SASH1: variants seen among roughly 807,000 people sequenced by gnomAD.
SASH1 encodes SAM and SH3 domain-containing protein 1.
Under a neutral mutation model 125.2 loss-of-function variants are expected in SASH1, and 44 were observed. The ratio of observed to expected loss-of-function variants is 0.35; its 90% CI spans 0.28 to 0.45. SASH1 has a LOEUF of 0.45. SASH1 is among the 20% of genes least tolerant of loss of function. The pLI is 1.00. For synonymous variants in SASH1, 639 were observed against 649.1 expected (o/e 0.98, Z 0.24); for missense variants, 1,426 against 1,614.5 (o/e 0.88, Z 2.00).
intron 1 of SASH1, among the ~76,000 whole-genome samples, chr6:148,353,435 A>ATTTTTTTT (rs377513066): frequency 5.5e-5 from 6 of 108,796 alleles, no homozygotes; most frequent in Non-Finnish European, 7.0e-5. Context: ...TTTAAGATTG[A>ATTTTTTTT]TTTTTTTTTT....
Position 148,343,050 on chromosome 6 carries a change from C to G in SASH1, c.-18C>G, listed in dbSNP as rs1430500912. The stretch of plus-strand genomic sequence containing the variant: ...GCCGCGGGGACTGGGACGCACGGCC[C>G]GCGCGCGGGACACGGCCATGGAGGA... On this transcript the variant is annotated 5_prime_UTR_variant, in exon 1 of 20. Transcript: ENST00000367467. 1.6e-6 allele frequency: 2 copies of G among 1,272,356 alleles called. No homozygotes were observed. 78.8% of individuals were successfully genotyped at this position (1,272,356 alleles called of 1,614,324 possible).
rs1583066385 is a variant in SASH1 at position 148,387,676 on chromosome 6, CTTTCTTTCTT to C, written c.157-2456_157-2447del. ...TCTTTCTTTCTTTCTTTCTTTCTTT[CTTTCTTTCTT>C]TCTTTCGGCATCCTTAGTAAATTAT... On this transcript the variant is annotated intron_variant, in intron 1 of 19. Transcript: ENST00000367467. Among the ~76,000 whole-genome samples, 8 of 91,974 alleles carry C rather than the reference CTTTCTTTCTT, an allele frequency of 8.7e-5. No homozygotes were observed. In the East Asian group the frequency reaches 2.1e-3, roughly 25 times the overall value. 60.3% of individuals were successfully genotyped at this position (91,974 alleles called of 152,430 possible). A position where few individuals can be genotyped will look rare whatever the true frequency, so the allele number is the denominator to read the frequency against.
At chr6:148,401,944 G>A (rs1019569575) in intron 2 of SASH1, among the ~76,000 whole-genome samples, 4 of 152,058 alleles carry the variant, frequency 2.6e-5, no homozygotes, top group African/African-American at 9.7e-5. Context: ...TCTTTTCTCC[G>A]AGATATTCCT....
intron 2 of SASH1, among the ~76,000 whole-genome samples, chr6:148,393,260 A>G (rs1021406612): frequency 1.4e-5 from 2 of 143,322 alleles, no homozygotes; most frequent in Non-Finnish European, 3.0e-5. Context: ...GGGTTTCTCC[A>G]TGTTGGTCAG....
chr6:148,520,185 G>A (rs1289673114), intron 10 of SASH1: 3 of 362,894 alleles, frequency 8.3e-6, no homozygotes, highest in South Asian at 3.4e-5. Context: ...TATCACCTAC[G>A]TGGTGGAGCG....
chr6:148,359,873 C>T (rs1177584363), intron 1 of SASH1, among the ~76,000 whole-genome samples: 1 of 152,198 alleles, frequency 6.6e-6, no homozygotes, highest in Non-Finnish European at 1.5e-5. Context: ...AATCTCCTGC[C>T]TCAGCCTCCT....
chr6:148,298,606 A>G (rs531058247), intron 1 of SASH1, among the ~76,000 whole-genome samples: 1 of 144,818 alleles, frequency 6.9e-6, no homozygotes, highest in Non-Finnish European at 1.5e-5. Flanking sequence ...ATGCCACTGC[A>G]TTCCAGCCTG....
chr6:148,212,821 GA>G, the SASH1 span, among the ~76,000 whole-genome samples: 1 of 152,126 alleles, frequency 6.6e-6, no homozygotes, highest in African/African-American at 2.4e-5. Context: ...AAGTAATATA[GA>G]GAGGAGTTTA....
chr6:148,455,006 C>T (rs1469105762), intron 4 of SASH1, among the ~76,000 whole-genome samples: 1 of 152,174 alleles, frequency 6.6e-6, no homozygotes, highest in Non-Finnish European at 1.5e-5. Context: ...TCGTATTACT[C>T]TGTATTCTTT....
In SASH1 at chr6:148,387,617, T is replaced by C. The variant is rs377059119; in HGVS notation, c.157-2517T>C. On this transcript the variant is annotated intron_variant, in intron 1 of 19. Transcript: ENST00000367467. ...CTTTCTTTCTTTCTTTCTTTCTTTC[T>C]TTCTTTCTTTCTTTCTTTCTTTCTT... Among the ~76,000 whole-genome samples, 99 of 42,572 alleles carry C rather than the reference T, an allele frequency of 2.3e-3. 13 individuals carry two copies. The highest frequency in any genetic ancestry group is 5.6e-3 in the Admixed American group (17 of 3,026). 27.9% of individuals were successfully genotyped at this position (42,572 alleles called of 152,430 possible). A position where few individuals can be genotyped will look rare whatever the true frequency, so the allele number is the denominator to read the frequency against.
At chr6:148,424,743 G>C (rs562266834) in intron 2 of SASH1, among the ~76,000 whole-genome samples, 18 of 152,260 alleles carry the variant, frequency 1.2e-4, no homozygotes, top group Non-Finnish European at 2.4e-4. Flanking sequence ...GACTTCAGGT[G>C]GGGCTCCAGA....
chr6:148,286,898 C>A (rs887025340), intron 1 of SASH1, among the ~76,000 whole-genome samples: 1 of 152,158 alleles, frequency 6.6e-6, no homozygotes, highest in Non-Finnish European at 1.5e-5. Flanking sequence ...CTCAACCATG[C>A]ACTCACATGA....
intron 2 of SASH1, among the ~76,000 whole-genome samples, chr6:148,407,157 C>G (rs1246801261): frequency 6.6e-6 from 1 of 152,118 alleles, no homozygotes; most frequent in Admixed American, 6.5e-5. Flanking sequence ...ACATGTTGTT[C>G]CACCATCACC....
At chr6:148,543,444 T>G (rs1307692826) in intron 17 of SASH1, among the ~76,000 whole-genome samples, 1 of 152,210 alleles carries the variant, frequency 6.6e-6, no homozygotes, top group Non-Finnish European at 1.5e-5. Context: ...TGTAACCCAA[T>G]TAATTTCAGT....
chr6:148,393,334 A>G (rs1783812104), intron 2 of SASH1, among the ~76,000 whole-genome samples: 1 of 151,370 alleles, frequency 6.6e-6, no homozygotes, highest in Non-Finnish European at 1.5e-5. Flanking sequence ...TGCTGGGATT[A>G]CAGGCGTAAG....
chr6:148,536,033 G>A (rs1429347168), intron 16 of SASH1, among the ~76,000 whole-genome samples: 1 of 152,202 alleles, frequency 6.6e-6, no homozygotes, highest in Non-Finnish European at 1.5e-5. Context: ...AGATGTCTGA[G>A]CCTAAGATAA....
chr6:148,394,514 T>C (rs1783863837), intron 2 of SASH1, among the ~76,000 whole-genome samples: 1 of 152,240 alleles, frequency 6.6e-6, no homozygotes, highest in Non-Finnish European at 1.5e-5. Flanking sequence ...TTCTAATCTT[T>C]CAATTCTGCC....
chr6:148,326,807 T>C (rs1294578797), intron 1 of SASH1, among the ~76,000 whole-genome samples: 1 of 152,072 alleles, frequency 6.6e-6, no homozygotes, highest in Non-Finnish European at 1.5e-5. Context: ...GAGGGTGAAG[T>C]TAGAGCAATG....
chr6:148,343,132 A>AGCCCGC lies in SASH1; in HGVS notation c.69_74dup (p.Ala24_Pro25dup). On this transcript the variant is annotated inframe_insertion, in exon 1 of 20. Transcript: ENST00000367467. ...GAGCCCGAGCCCGAGCCGGAGCCCG[A>AGCCCGC]GCCCGCGCCGGAGCCGGAACCGGAG... is the stretch of plus-strand genomic sequence containing the variant. 4 of 1,596,360 alleles carry AGCCCGC rather than the reference A, an allele frequency of 2.5e-6. No homozygotes were observed. Among genetic ancestry groups the AGCCCGC allele is most frequent in the Non-Finnish European group, 3.4e-6 (4 of 1,177,986 alleles).
Sources: allele counts gnomAD v4.1 joint callset (sites outside exome capture counted in the v4.1 genomes callset), GRCh38; gene constraint gnomAD v4.1.1; transcripts MANE v1.5; gene names NCBI Gene and HGNC (gene_info 2026-07-23, HGNC 2026-07-21).